Variants in CAPS2 observed in about 807,000 individuals in gnomAD.
CAPS2 encodes the protein calcyphosine 2.
In CAPS2, 98 loss-of-function variants were observed where a neutral mutation model predicts 86.5. The observed-to-expected ratio is 1.13, with a 90% CI of 0.96 to 1.34. CAPS2 has a LOEUF of 1.34. Among genes scored for constraint, CAPS2 ranks in the 40% most tolerant of loss-of-function variants. CAPS2 has a pLI of 0.00. For missense variants in CAPS2, 729 were observed against 686.8 expected (o/e 1.06, Z -0.69); for synonymous variants, 210 against 225.1 (o/e 0.93, Z 0.60).
chr12:75,350,713 A>G (rs2042749602), intron 1 of CAPS2, among the ~76,000 whole-genome samples: 1 of 152,240 alleles, frequency 6.6e-6, no homozygotes, highest in African/African-American at 2.4e-5. Context: ...CAAAGATCAA[A>G]GGTAGATAAA....
chr12:75,353,311 G>T (rs375662800), intron 1 of CAPS2, among the ~76,000 whole-genome samples: 2 of 151,874 alleles, frequency 1.3e-5, no homozygotes, highest in African/African-American at 4.8e-5. Context: ...TGATAAAGGG[G>T]TATCACCACT....
chr12:75,383,778 C>A (rs1398064845), intron 1 of CAPS2, among the ~76,000 whole-genome samples: 3 of 151,986 alleles, frequency 2.0e-5, no homozygotes, highest in Non-Finnish European at 2.9e-5. Flanking sequence ...ATATTCTGGA[C>A]CATAAAACAC....
exon 17 of CAPS2, chr12:75,277,704 T>G: frequency 2.7e-5 from 24 of 887,200 alleles, no homozygotes; most frequent in Non-Finnish European, 3.2e-5. Context: ...ATGGATACAG[T>G]GATATGTCTA....
At chr12:75,348,362 A>G (rs180753644) in intron 1 of CAPS2, among the ~76,000 whole-genome samples, 1 of 152,346 alleles carries the variant, frequency 6.6e-6, no homozygotes, top group East Asian at 1.9e-4. Context: ...AGGAGCTGAG[A>G]TATGCCAAAA....
chr12:75,353,840 C>A (rs561632244), intron 1 of CAPS2, among the ~76,000 whole-genome samples: 14 of 152,132 alleles, frequency 9.2e-5, no homozygotes, highest in Non-Finnish European at 1.6e-4. Flanking sequence ...GTTCAACATA[C>A]GCAAATCAAT....
chr12:75,345,949 T>C (rs1264235489), intron 1 of CAPS2, among the ~76,000 whole-genome samples: 1 of 152,234 alleles, frequency 6.6e-6, no homozygotes, highest in Non-Finnish European at 1.5e-5. Context: ...GGAATGGTTA[T>C]ATTCTTATAA....
intron 9 of CAPS2, among the ~76,000 whole-genome samples, 195 bp downstream of exon 9, chr12:75,299,641 GT>G (rs1169977200): frequency 6.6e-5 from 10 of 152,098 alleles, no homozygotes; most frequent in African/African-American, 1.4e-4. Flanking sequence ...TAATTAGAAT[GT>G]TTTTCCTACA....
At chr12:75,318,292 C>T (rs569849040) in intron 5 of CAPS2, 1 of 152,300 alleles carries the variant, frequency 6.6e-6, no homozygotes, top group African/African-American at 2.4e-5. Context: ...TCCAAGCTAT[C>T]ATCGTCAAAT....
Position 75,317,931 on chromosome 12 carries a change from T to C in CAPS2, c.469-1497A>G, listed in dbSNP as rs529524100. On this transcript the variant is annotated intron_variant, in intron 5 of 16. Transcript: ENST00000393284. ...ACTATAATCACCACAAATACAGTAG[T>C]TCCTCAGAACTTATTTATCTTATAA... Among the ~76,000 whole-genome samples the C allele has an allele frequency of 2.0e-5, 3 of 152,196 alleles. No individual in the cohort carries two copies. The South Asian group carries it at 6.2e-4, about 32-fold the overall frequency.
chr12:75,344,014 T>A, intron 1 of CAPS2: 2 of 1,231,150 alleles, frequency 1.6e-6, no homozygotes, highest in Non-Finnish European at 2.3e-6. Context: ...TCTCTGTATG[T>A]AAAGTGCCTT....
intron 1 of CAPS2, among the ~76,000 whole-genome samples, chr12:75,384,672 T>A (rs2045189345): frequency 6.6e-6 from 1 of 152,070 alleles, no homozygotes; most frequent in Admixed American, 6.6e-5. Flanking sequence ...ATTACCCTAA[T>A]ACCAAAATCC....
At chr12:75,380,819 C>T (rs150084952) in intron 1 of CAPS2, among the ~76,000 whole-genome samples, 71 of 152,234 alleles carry the variant, frequency 4.7e-4, no homozygotes, top group African/African-American at 1.6e-3. Flanking sequence ...TCATAAACTA[C>T]ATTCAAATTT....
upstream of CAPS2, among the ~76,000 whole-genome samples, chr12:75,330,346 G>C (rs1183053046): frequency 6.6e-6 from 1 of 152,204 alleles, no homozygotes; most frequent in Non-Finnish European, 1.5e-5. Flanking sequence ...CCTAAACCCC[G>C]GCGAGGAGCC....
At chr12:75,291,585 A>ATATATG (rs1555192010) in intron 13 of CAPS2, among the ~76,000 whole-genome samples, 159 bp downstream of exon 13, 1 of 79,374 alleles carries the variant, frequency 1.3e-5, no homozygotes, top group African/African-American at 4.0e-5. Flanking sequence ...ATATATATAT[A>ATATATG]TATATATATA....
intron 1 of CAPS2, among the ~76,000 whole-genome samples, chr12:75,378,322 G>C (rs1227490249): frequency 3.9e-5 from 6 of 152,130 alleles, no homozygotes; most frequent in African/African-American, 1.4e-4. Context: ...CTTTTATAAA[G>C]AAGCCAAGTA....
chr12:75,281,914 T>C (rs774851586), intron 16 of CAPS2, among the ~76,000 whole-genome samples: 1 of 152,134 alleles, frequency 6.6e-6, no homozygotes, highest in African/African-American at 2.4e-5. Flanking sequence ...TGGATAACTA[T>C]ATAAGCAGAT....
chr12:75,305,413 T>C (rs1593396730), intron 7 of CAPS2: 3 of 435,878 alleles, frequency 6.9e-6, no homozygotes, highest in East Asian at 5.1e-5. Context: ...AAAGTGCTCC[T>C]GGACGCAGAG....
rs558111139 is a variant in CAPS2 at position 75,308,466 on chromosome 12, T to C, written c.660-3590A>G. Among the ~76,000 whole-genome samples the C allele has an allele frequency of 1.6e-4, 25 of 152,312 alleles. No individual in the cohort carries two copies. In the South Asian group the frequency reaches 5.0e-3, roughly 30 times the overall value. On this transcript the variant is annotated intron_variant, in intron 7 of 16. Transcript: ENST00000393284. Reference sequence around the variant, plus strand: ...TGCTCCCACCCTGTGGAGTATACTTTCATTTTTAATAAATCTCTGCTTTTG... The same window carrying C: ...TGCTCCCACCCTGTGGAGTATACTTCCATTTTTAATAAATCTCTGCTTTTG...
Position 75,291,598 on chromosome 12 carries a change from T to G in CAPS2, c.1240+146A>C, listed in dbSNP as rs201242025. 112 of 66,586 alleles carry G rather than the reference T, an allele frequency of 1.7e-3. No individual in the cohort carries two copies. The East Asian group carries it at 0.076, about 45-fold the overall frequency. 4.1% of individuals were successfully genotyped at this position (66,586 alleles called of 1,614,324 possible). On this transcript the variant is annotated intron_variant, in intron 13 of 16. Transcript: ENST00000393284. The stretch of plus-strand genomic sequence containing the variant: ...ATATATATATATATATATATATATA[T>G]ATATATATATATATTCTTTTTTAAA...
Sources: allele counts gnomAD v4.1 joint callset (sites outside exome capture counted in the v4.1 genomes callset), GRCh38; gene constraint gnomAD v4.1.1; transcripts MANE v1.5; gene names NCBI Gene and HGNC (gene_info 2026-07-23, HGNC 2026-07-21).